Variants in IRX5 observed in about 807,000 individuals in gnomAD.
IRX5 encodes the protein iroquois homeobox 5, also known as iroquois-class homeodomain protein IRX-5.
In IRX5, 8 loss-of-function variants were observed where a neutral mutation model predicts 37.6. The ratio of observed to expected loss-of-function variants is 0.21; its 90% CI spans 0.12 to 0.38. The LOEUF (loss-of-function observed/expected upper bound fraction) is 0.38. Ranked by LOEUF, IRX5 falls within the 10% of genes least tolerant of loss-of-function variation. The probability of loss-of-function intolerance (pLI) is 1.00; values close to 1 mark genes in which losing one functional copy is unlikely to be tolerated. For synonymous variants in IRX5, 359 were observed against 328.6 expected (o/e 1.09, Z -1.00); for missense variants, 635 against 695.2 (o/e 0.91, Z 0.97).
rs1303074041 is a variant in IRX5 at position 54,934,408 on chromosome 16, A to T, written c.*535A>T. 6.5e-6 allele frequency: 1 copy of T among 152,678 alleles called. No homozygotes were observed. The allele number at this position is 152,678 out of a possible 1,614,324, so 9.5% of individuals were successfully genotyped here. A position where few individuals can be genotyped will look rare whatever the true frequency, so the allele number is the denominator to read the frequency against. ...TTTGTAAAATGCAAAATATTTAATT[A>T]AAAGAGATTTTAACATAATGAGAGC... On this transcript the variant is annotated 3_prime_UTR_variant, in exon 3 of 3. Transcript: ENST00000394636.
In IRX5 at chr16:54,932,460, C is replaced by A. The variant is rs1347272466; in HGVS notation, c.250-38C>A. 5 of 1,564,392 alleles carry A rather than the reference C, an allele frequency of 3.2e-6. No homozygotes were observed. The South Asian group carries it at 6.0e-5, about 19-fold the overall frequency. ...TCGGTCGTTCCGATGGCAGTGGAGA[C>A]CACGGTCCACACTCACCTCTCTGCG... On this transcript the variant is annotated intron_variant, in intron 1 of 2. Coordinates refer to ENST00000394636, the MANE Select transcript of IRX5 (RefSeq NM_005853.6). This position sits in a 1 kb window ranked among gnomAD's most constrained non-coding sequence, Gnocchi z 6.7.
chr16:54,931,088 A>T lies in IRX5; in HGVS notation c.-111A>T. The T allele has an allele frequency of 1.3e-6, 1 of 790,982 alleles. No individual in the cohort carries two copies. Among genetic ancestry groups the T allele is most frequent in the Non-Finnish European group, 1.6e-6 (1 of 630,906 alleles). The allele number at this position is 790,982 out of a possible 1,614,324, so 49.0% of individuals were successfully genotyped here. ...GGAGCCCCGGAGCCGGGGCCAGAGG[A>T]GCGGCGGCCCAGGGCAGCCAGAGGC... On this transcript the variant is annotated 5_prime_UTR_variant, in exon 1 of 3. Coordinates refer to ENST00000394636, the MANE Select transcript of IRX5 (RefSeq NM_005853.6).
In IRX5 at chr16:54,934,211, G is replaced by A. The variant is rs1963942806; in HGVS notation, c.*338G>A. 5.9e-6 allele frequency: 1 copy of A among 169,006 alleles called. No homozygotes were observed. Among genetic ancestry groups the A allele is most frequent in the Admixed American group, 6.3e-5 (1 of 15,798 alleles). 10.5% of individuals were successfully genotyped at this position (169,006 alleles called of 1,614,324 possible). On this transcript the variant is annotated 3_prime_UTR_variant, in exon 3 of 3. Coordinates refer to ENST00000394636, the MANE Select transcript of IRX5 (RefSeq NM_005853.6). ...CTGTACAGGCATTTAATGTTTTTTT[G>A]TAATATAAATATATACATTTGTGTT...
At position 54,933,302 on chromosome 16, in the gene IRX5, G is replaced by A. The variant is rs1487228906; in HGVS notation, c.881G>A (p.Gly294Glu). The A allele has an allele frequency of 1.0e-4, 145 of 1,405,218 alleles. No individual in the cohort carries two copies. Among genetic ancestry groups the A allele is most frequent in the Non-Finnish European group, 1.3e-4 (136 of 1,086,742 alleles). 87.0% of individuals were successfully genotyped at this position (1,405,218 alleles called of 1,614,324 possible). Residue 294 changes from glycine (G) to glutamate (E), a missense_variant, in exon 3 of 3, where the codon GGA becomes GAA. Physicochemically the swap from Gly to Glu is moderately conservative, Grantham distance 98 (BLOSUM62 -2). Around this residue, in one of 5 missense-constraint regions of IRX5, gnomAD observed 244 missense variants for 205.4 expected, o/e 1.19. Coordinates refer to ENST00000394636, the MANE Select transcript of IRX5 (RefSeq NM_005853.6). ...GACCCGGCCCCTCACTACCCCGCCGGAGCGCCGGCGCCCGGCCCGCATCCA... is the reference window on the plus strand; with the variant it reads ...GACCCGGCCCCTCACTACCCCGCCGAAGCGCCGGCGCCCGGCCCGCATCCA... ...AEDPAPHYPA[G>E]APAPGPHPAA...
rs750912742 is a variant in IRX5, at chr16:54,933,693, C to A, written c.1272C>A (p.His424Gln). The change falls in exon 3 of 3, where the codon CAC (histidine) becomes CAA (glutamine). Residue 424 changes from histidine to glutamine, a missense_variant. His to Gln is a conservative substitution (Grantham distance 24). Coordinates refer to ENST00000394636, the MANE Select transcript of IRX5 (RefSeq NM_005853.6). Reference protein sequence around the residue: ...NYGSFGHLHGHPGPGPGPTTG... With the variant: ...NYGSFGHLHGQPGPGPGPTTG... ...GCTCCTTCGGACACCTTCATGGCCA[C>A]CCGGGGCCCGGGCCAGGCCCCACAA... 6.2e-7 allele frequency: 1 copy of A among 1,613,676 alleles called. No individual in the cohort carries two copies. Among genetic ancestry groups the A allele is most frequent in the Admixed American group, 1.7e-5 (1 of 60,024 alleles).
chr16:54,932,329 G>A lies in IRX5; in HGVS notation c.250-169G>A. 4.1e-6 allele frequency: 3 copies of A among 738,830 alleles called. No individual in the cohort carries two copies. The highest frequency in any genetic ancestry group is 3.6e-5 in the South Asian group (2 of 55,320). 45.8% of individuals were successfully genotyped at this position (738,830 alleles called of 1,614,324 possible). On this transcript the variant is annotated intron_variant, in intron 1 of 2. Transcript: ENST00000394636. The surrounding 1 kb of genome is among the most constrained non-coding windows in gnomAD (Gnocchi z 6.7). Reference sequence around the variant, plus strand: ...GTCCCCGCTGCCTTCTGAGGAGGGGGAGGAGTTGCTCCTAGGTCTGAACCC... The same window carrying A: ...GTCCCCGCTGCCTTCTGAGGAGGGGAAGGAGTTGCTCCTAGGTCTGAACCC...
rs947773062 is a variant in IRX5, at chr16:54,934,094, G to A, written c.*221G>A. ...GAAAAGAAAAATTAAAAAAGGATTT[G>A]TATTAAATCTTATTCTGTATATTTA... On this transcript the variant is annotated 3_prime_UTR_variant, in exon 3 of 3. Transcript: ENST00000394636. The A allele has an allele frequency of 7.4e-6, 3 of 406,708 alleles. No homozygotes were observed. The highest frequency in any genetic ancestry group is 1.3e-5 in the Non-Finnish European group (3 of 232,628). 25.2% of individuals were successfully genotyped at this position (406,708 alleles called of 1,614,324 possible). A position where few individuals can be genotyped will look rare whatever the true frequency, so the allele number is the denominator to read the frequency against.
In IRX5 at chr16:54,933,218, G is replaced by GC. The variant is rs754238323; in HGVS notation, c.805dup (p.Arg269ProfsTer187). Reference sequence around the variant, plus strand: ...GAGGGCCGCCTCGACGCGCTGCAGGGCCCCCCCCGCACCGGCGGGCCCTCC... The same window carrying GC: ...GAGGGCCGCCTCGACGCGCTGCAGGGCCCCCCCCCGCACCGGCGGGCCCTCC... On this transcript the variant is annotated frameshift_variant, in exon 3 of 3. Coordinates refer to ENST00000394636, the MANE Select transcript of IRX5 (RefSeq NM_005853.6). LOFTEE classifies it high-confidence loss of function. 1.1e-4 allele frequency: 165 copies of GC among 1,497,976 alleles called. No homozygotes were observed. The highest frequency in any genetic ancestry group is 3.3e-4 in the Admixed American group (16 of 48,044). The allele number at this position is 1,497,976 out of a possible 1,614,324, so 92.8% of individuals were successfully genotyped here.
chr16:54,931,282 T>G lies in IRX5; in HGVS notation c.84T>G (p.Ile28Met). 6.2e-7 allele frequency: 1 copy of G among 1,612,558 alleles called. No individual in the cohort carries two copies. The highest frequency in any genetic ancestry group is 8.5e-7 in the Non-Finnish European group (1 of 1,179,596). The change falls in exon 1 of 3, where the codon ATT (isoleucine) becomes ATG (methionine). Residue 28 changes from isoleucine to methionine, a missense_variant. By Grantham distance (10) the Ile-to-Met change is conservative. Coordinates refer to ENST00000394636, the MANE Select transcript of IRX5 (RefSeq NM_005853.6). Reference protein sequence around the residue: ...YSCPAYSTSVISGPRTDELGR... With the variant: ...YSCPAYSTSVMSGPRTDELGR... ...GCCCGGCGTACAGCACCAGCGTCAT[T>G]TCGGGGCCCCGCACGGATGAGCTCG...
At position 54,933,183 on chromosome 16, in the gene IRX5, G is replaced by A; in HGVS notation, c.762G>A (p.Glu254=). ...EGSLSDSDFK[E]PPSEGRLDAL... ...GCCTCAGCGACTCGGATTTTAAGGA[G>A]CCGCCCTCGGAGGGCCGCCTCGACG... The change falls in exon 3 of 3, where the codon GAG becomes GAA. Residue 254 remains glutamate (E), a synonymous_variant. Transcript: ENST00000394636. 6.4e-7 allele frequency: 1 copy of A among 1,553,674 alleles called. No homozygotes were observed. Among genetic ancestry groups the A allele is most frequent in the Non-Finnish European group, 8.6e-7 (1 of 1,157,524 alleles).
In IRX5 at chr16:54,932,257, C is replaced by T. The variant is rs1317333348; in HGVS notation, c.250-241C>T. 5 of 675,648 alleles carry T rather than the reference C, an allele frequency of 7.4e-6. 1 individual carries two copies. Among genetic ancestry groups the T allele is most frequent in the Admixed American group, 6.8e-5 (3 of 43,942 alleles). The allele number at this position is 675,648 out of a possible 1,614,324, so 41.9% of individuals were successfully genotyped here. A position where few individuals can be genotyped will look rare whatever the true frequency, so the allele number is the denominator to read the frequency against. On this transcript the variant is annotated intron_variant, in intron 1 of 2. Transcript: ENST00000394636. The surrounding 1 kb of genome is among the most constrained non-coding windows in gnomAD (Gnocchi z 6.7). Reference sequence around the variant, plus strand: ...GGGGGCCTACGGGGTGACACCGAGGCCGGGACAGCTTCAGGGGCCCCAGAA... The same window carrying T: ...GGGGGCCTACGGGGTGACACCGAGGTCGGGACAGCTTCAGGGGCCCCAGAA...
chr16:54,933,354 C>G lies in IRX5; in HGVS notation c.933C>G (p.Pro311=), dbSNP rs1217296780. 2 of 1,498,978 alleles carry G rather than the reference C, an allele frequency of 1.3e-6. No homozygotes were observed. The highest frequency in any genetic ancestry group is 1.8e-6 in the Non-Finnish European group (2 of 1,128,770). The allele number at this position is 1,498,978 out of a possible 1,614,324, so 92.9% of individuals were successfully genotyped here. Residue 311 remains proline, a synonymous_variant, in exon 3 of 3, where the codon CCC becomes CCG. Coordinates refer to ENST00000394636, the MANE Select transcript of IRX5 (RefSeq NM_005853.6). ...CCGCGGGCGAGGTGCCTCCGGGTCC[C>G]GGCGGGCCCTCGGTTATCCATTCGC... ...HPAAGEVPPG[P]GGPSVIHSPP... is the part of the protein sequence containing the mutation.
Position 54,933,200 on chromosome 16 carries a change from G to T in IRX5, c.779G>T (p.Arg260Leu). The change falls in exon 3 of 3, where the codon CGC (arginine) becomes CTC (leucine). Residue 260 changes from arginine (R) to leucine (L), a missense_variant. Arg to Leu is a moderately radical substitution (Grantham distance 102). Coordinates refer to ENST00000394636, the MANE Select transcript of IRX5 (RefSeq NM_005853.6). ...SDFKEPPSEG[R>L]LDALQGPPRT... is the part of the protein sequence containing the mutation. ...TTTAAGGAGCCGCCCTCGGAGGGCC[G>T]CCTCGACGCGCTGCAGGGCCCCCCC... is the stretch of plus-strand genomic sequence containing the variant. 6.5e-7 allele frequency: 1 copy of T among 1,535,742 alleles called. No individual in the cohort carries two copies. The highest frequency in any genetic ancestry group is 8.7e-7 in the Non-Finnish European group (1 of 1,148,098).
In IRX5 at chr16:54,932,677, G is replaced by A; in HGVS notation, c.429G>A (p.Lys143=). 3 of 1,614,022 alleles carry A rather than the reference G, an allele frequency of 1.9e-6. No homozygotes were observed. Among genetic ancestry groups the A allele is most frequent in the Non-Finnish European group, 2.5e-6 (3 of 1,180,022 alleles). ...ACCGCAAGAACCCCTACCCCACCAA[G>A]GGCGAGAAGATCATGCTGGCCATCA... ...NEHRKNPYPT[K]GEKIMLAIIT... is the part of the protein sequence containing the mutation. Residue 143 remains lysine, a synonymous_variant, in exon 2 of 3, where the codon AAG becomes AAA. Transcript: ENST00000394636. This position sits in a 1 kb window ranked among gnomAD's most constrained non-coding sequence, Gnocchi z 6.7.
At position 54,933,340 on chromosome 16, in the gene IRX5, G is replaced by T. The variant is rs1181914825; in HGVS notation, c.919G>T (p.Val307Leu). ...CGGCCCGCATCCAGCCGCGGGCGAG[G>T]TGCCTCCGGGTCCCGGCGGGCCCTC... ...APGPHPAAGE[V>L]PPGPGGPSVI... The change falls in exon 3 of 3, where the codon GTG becomes TTG. Residue 307 changes from valine to leucine, a missense_variant. By Grantham distance (32) the Val-to-Leu change is conservative. Coordinates refer to ENST00000394636, the MANE Select transcript of IRX5 (RefSeq NM_005853.6). 2 of 1,482,292 alleles carry T rather than the reference G, an allele frequency of 1.3e-6. No individual in the cohort carries two copies. Among genetic ancestry groups the T allele is most frequent in the African/African-American group, 2.9e-5 (2 of 68,646 alleles). 91.8% of individuals were successfully genotyped at this position (1,482,292 alleles called of 1,614,324 possible).
Position 54,932,162 on chromosome 16 carries a change from T to C in IRX5, c.250-336T>C, listed in dbSNP as rs770785287. ...CGGAGTCGCCTCAGTTGCCCAGGCC[T>C]CTATCTGCATGGAGGGCCGGGCCGC... On this transcript the variant is annotated intron_variant, in intron 1 of 2. Coordinates refer to ENST00000394636, the MANE Select transcript of IRX5 (RefSeq NM_005853.6). The surrounding 1 kb of genome is among the most constrained non-coding windows in gnomAD (Gnocchi z 6.7). The C allele has an allele frequency of 2.8e-6, 2 of 702,868 alleles. No homozygotes were observed. Among genetic ancestry groups the C allele is most frequent in the South Asian group, 1.5e-5 (1 of 67,598 alleles). 43.5% of individuals were successfully genotyped at this position (702,868 alleles called of 1,614,324 possible).
rs1486961519 is a variant in IRX5, at chr16:54,932,191, G to C, written c.250-307G>C. 3 of 702,772 alleles carry C rather than the reference G, an allele frequency of 4.3e-6. No homozygotes were observed. In the South Asian group the frequency reaches 4.4e-5, roughly 10 times the overall value. The allele number at this position is 702,772 out of a possible 1,614,324, so 43.5% of individuals were successfully genotyped here. On this transcript the variant is annotated intron_variant, in intron 1 of 2. Coordinates refer to ENST00000394636, the MANE Select transcript of IRX5 (RefSeq NM_005853.6). The surrounding 1 kb of genome is among the most constrained non-coding windows in gnomAD (Gnocchi z 6.7). ...TCTGCATGGAGGGCCGGGCCGCCGT[G>C]GCCAGATCTGCGCACGGGGTACGGA...
In IRX5 at chr16:54,933,494, C is replaced by G; in HGVS notation, c.1073C>G (p.Pro358Arg). ...KDGGGGNEGS[P>R]CPPCPGPIAG... ...GGGGGCGGCGGGAACGAGGGCTCTCCATGCCCACCGTGTCCCGGGCCCATA... is the reference window on the plus strand; with the variant it reads ...GGGGGCGGCGGGAACGAGGGCTCTCGATGCCCACCGTGTCCCGGGCCCATA... Residue 358 changes from proline (P) to arginine (R), a missense_variant, in exon 3 of 3, where the codon CCA becomes CGA. Pro to Arg is a moderately radical substitution (Grantham distance 103). This residue lies in a region of IRX5 where 188 missense variants were observed against 200.8 expected (regional missense o/e 0.94). Coordinates refer to ENST00000394636, the MANE Select transcript of IRX5 (RefSeq NM_005853.6). The G allele has an allele frequency of 6.2e-7, 1 of 1,611,444 alleles. No homozygotes were observed. The highest frequency in any genetic ancestry group is 8.5e-7 in the Non-Finnish European group (1 of 1,179,236).
rs1308823193 is a variant in IRX5 at position 54,933,210 on chromosome 16, G to A, written c.789G>A (p.Ala263=). 2 of 1,526,152 alleles carry A rather than the reference G, an allele frequency of 1.3e-6. No individual in the cohort carries two copies. The highest frequency in any genetic ancestry group is 2.5e-5 in the East Asian group (1 of 39,584). The allele number at this position is 1,526,152 out of a possible 1,614,324, so 94.5% of individuals were successfully genotyped here. A position where few individuals can be genotyped will look rare whatever the true frequency, so the allele number is the denominator to read the frequency against. Residue 263 remains alanine (A), a synonymous_variant, in exon 3 of 3, where the codon GCG becomes GCA. Coordinates refer to ENST00000394636, the MANE Select transcript of IRX5 (RefSeq NM_005853.6). The part of the protein sequence containing the change: ...KEPPSEGRLD[A]LQGPPRTGGP... ...CGCCCTCGGAGGGCCGCCTCGACGC[G>A]CTGCAGGGCCCCCCCCGCACCGGCG...
Sources: allele counts gnomAD v4.1 joint callset, GRCh38; gene constraint gnomAD v4.1.1; regional missense constraint gnomAD v4.1.1; non-coding constraint Gnocchi (gnomAD v3.1); transcripts MANE v1.5; gene names NCBI Gene and HGNC (gene_info 2026-07-23, HGNC 2026-07-21).